CR1L: variants seen among roughly 807,000 people sequenced by gnomAD.
The protein encoded by CR1L is complement component receptor 1-like protein.
A neutral mutation model predicts 62.3 loss-of-function variants in CR1L; 59 were observed. The ratio of observed to expected loss-of-function variants is 0.95; its 90% CI spans 0.77 to 1.18. The LOEUF (loss-of-function observed/expected upper bound fraction) is 1.18, where lower values mean the gene tolerates loss of function less well. CR1L is among the 50% of genes most tolerant of loss of function. The pLI, the probability that CR1L is intolerant of heterozygous loss-of-function variation, is 0.00. For missense variants in CR1L, 700 were observed against 702.8 expected (o/e 1.00, Z 0.04); for synonymous variants, 279 against 248.7 (o/e 1.12, Z -1.15).
chr1:207,705,941 G>T (rs1410071705), intron 9 of CR1L, among the ~76,000 whole-genome samples: 2 of 150,280 alleles, frequency 1.3e-5, no homozygotes, highest in African/African-American at 2.4e-5. Flanking sequence ...GTTTGCACAC[G>T]AATGAATATA....
intron 4 of CR1L, among the ~76,000 whole-genome samples, chr1:207,692,270 A>G (rs1664009370): frequency 6.6e-6 from 1 of 152,264 alleles, no homozygotes; most frequent in Non-Finnish European, 1.5e-5. Context: ...CTTTATAAAA[A>G]TAATATCTAT....
Position 207,697,971 on chromosome 1 carries a change from G to C in CR1L, c.1142+98G>C, listed in dbSNP as rs577093943. 1,251 of 1,480,930 alleles carry C rather than the reference G, an allele frequency of 8.4e-4. 7 individuals are homozygous for C. In the African/African-American group the frequency reaches 0.016, roughly 19 times the overall value. 91.7% of individuals were successfully genotyped at this position (1,480,930 alleles called of 1,614,324 possible). ...GATGTGGCTTAAAAAAAGACAGACA[G>C]ACAGACACACACACACACACACACA... On this transcript the variant is annotated intron_variant, in intron 7 of 11. Coordinates refer to ENST00000508064, the MANE Select transcript of CR1L (RefSeq NM_175710.2).
chr1:207,687,321 T>C (rs144283757), intron 4 of CR1L, among the ~76,000 whole-genome samples: 2,803 of 152,320 alleles, frequency 0.018, 33 homozygotes, highest in Middle Eastern at 0.041. Context: ...GGAGGTCTTT[T>C]TTTATTCCAA....
intron 9 of CR1L, among the ~76,000 whole-genome samples, chr1:207,706,044 T>TATATATATATATAAAA (rs1491230856): frequency 8.4e-6 from 1 of 118,836 alleles, no homozygotes; most frequent in Non-Finnish European, 1.8e-5. Flanking sequence ...TATATATATA[T>TATATATATATATAAAA]AAAACACTGA....
chr1:207,660,663 T>C (rs1467790660), intron 1 of CR1L, among the ~76,000 whole-genome samples: 1 of 152,206 alleles, frequency 6.6e-6, no homozygotes, highest in East Asian at 1.9e-4. Context: ...GCTCTGATCT[T>C]AGTTATTTCT....
intron 1 of CR1L, among the ~76,000 whole-genome samples, chr1:207,663,337 G>A (rs929552901): frequency 2.0e-5 from 3 of 152,068 alleles, no homozygotes; most frequent in Non-Finnish European, 4.4e-5. Flanking sequence ...TCAAGCCTCG[G>A]CAATGGTGGG....
At chr1:207,682,289 T>C (rs1324975876) in intron 3 of CR1L, among the ~76,000 whole-genome samples, 1 of 151,918 alleles carries the variant, frequency 6.6e-6, no homozygotes, top group East Asian at 1.9e-4. Flanking sequence ...CTAGTCAACA[T>C]GATGAAACCC....
At chr1:207,685,591 G>A (rs532777795) in intron 4 of CR1L, among the ~76,000 whole-genome samples, 5 of 152,226 alleles carry the variant, frequency 3.3e-5, no homozygotes, top group Admixed American at 2.0e-4. Context: ...GCAATTAAGT[G>A]CTGCCAATTG....
intron 4 of CR1L, among the ~76,000 whole-genome samples, chr1:207,691,980 G>A (rs1199727315): frequency 6.6e-6 from 1 of 152,156 alleles, no homozygotes; most frequent in African/African-American, 2.4e-5. Flanking sequence ...GGAAACTGAC[G>A]TACAGAAAAC....
chr1:207,696,783 C>A (rs150810371), intron 5 of CR1L, among the ~76,000 whole-genome samples: 1 of 152,136 alleles, frequency 6.6e-6, no homozygotes, highest in Non-Finnish European at 1.5e-5. Context: ...TCCTGAGTTC[C>A]GATCAACTAT....
chr1:207,717,063 T>C (rs570991909), intron 10 of CR1L, among the ~76,000 whole-genome samples: 53 of 152,338 alleles, frequency 3.5e-4, no homozygotes, highest in Middle Eastern at 6.8e-3. Flanking sequence ...TTAAAGTTCA[T>C]AGATTTCCTT....
chr1:207,647,963 G>A (rs938118287), intron 1 of CR1L, among the ~76,000 whole-genome samples: 2 of 152,080 alleles, frequency 1.3e-5, no homozygotes, highest in Admixed American at 6.5e-5. Flanking sequence ...AGTACATACA[G>A]CCTGGGCATC....
intron 9 of CR1L, 142 bp downstream of exon 9, chr1:207,701,760 A>G (rs771857207): frequency 8.8e-7 from 1 of 1,141,728 alleles, no homozygotes; most frequent in Non-Finnish European, 1.3e-6. Context: ...GATTGAAATG[A>G]ACAAAGATAG....
chr1:207,707,784 T>TGACACA (rs1558024543), intron 9 of CR1L, among the ~76,000 whole-genome samples: 1 of 48,628 alleles, frequency 2.1e-5, no homozygotes, highest in African/African-American at 9.6e-5. Flanking sequence ...TGGCATAGTA[T>TGACACA]TACACACACA....
chr1:207,713,914 G>A (rs1422057401), intron 10 of CR1L, among the ~76,000 whole-genome samples: 6 of 152,226 alleles, frequency 3.9e-5, no homozygotes, highest in Non-Finnish European at 8.8e-5. Context: ...CTCCAAGGCT[G>A]ACTTGGCCTG....
intron 1 of CR1L, among the ~76,000 whole-genome samples, chr1:207,659,294 T>C (rs1315959913): frequency 1.3e-5 from 2 of 152,226 alleles, no homozygotes; most frequent in Non-Finnish European, 2.9e-5. Flanking sequence ...CCTTCCCCTC[T>C]GCAGAGGGCA....
intron 3 of CR1L, among the ~76,000 whole-genome samples, chr1:207,681,618 A>G (rs1663800666): frequency 6.6e-6 from 1 of 152,246 alleles, no homozygotes; most frequent in Non-Finnish European, 1.5e-5. Flanking sequence ...AATGTTCAGT[A>G]CTACAACACT....
chr1:207,686,127 C>T (rs1273880137), intron 4 of CR1L, among the ~76,000 whole-genome samples: 1 of 11,604 alleles, frequency 8.6e-5, no homozygotes, highest in Non-Finnish European at 1.5e-4. Flanking sequence ...TCCCTCCCTT[C>T]CTCCCTCCCT....
At chr1:207,646,769 G>T (rs1282481921) in intron 1 of CR1L, among the ~76,000 whole-genome samples, 1 of 137,144 alleles carries the variant, frequency 7.3e-6, no homozygotes, top group Non-Finnish European at 1.6e-5. Context: ...CAGGCTTATT[G>T]TGCAAAATGA....
Sources: gnomAD v4.1 joint callset for allele counts (sites outside exome capture counted in the v4.1 genomes callset) on GRCh38, gnomAD v4.1.1 for gene constraint, MANE v1.5 for transcripts, NCBI Gene and HGNC (gene_info 2026-07-23, HGNC 2026-07-21) for gene names.